The following NLRP3 variants were observed in gnomAD, a reference collection of about 807,000 sequenced individuals.
The protein encoded by NLRP3 is NLR family pyrin domain containing 3, also known as NACHT, LRR and PYD domains-containing protein 3.
In NLRP3, 48 loss-of-function variants were observed where a neutral mutation model predicts 91.3. That is an observed-to-expected ratio of 0.53 (90% CI 0.42 to 0.67). The LOEUF (loss-of-function observed/expected upper bound fraction) is 0.67, where lower values mean the gene tolerates loss of function less well. Among genes scored for constraint, NLRP3 ranks in the 30% least tolerant of loss-of-function variants. The pLI, the probability that NLRP3 is intolerant of heterozygous loss-of-function variation, is 0.00. For synonymous variants in NLRP3, 561 were observed against 507.9 expected, an observed-to-expected ratio of 1.10 and a Z score of -1.41; for missense variants, 982 against 1,276.9, an observed-to-expected ratio of 0.77 and a Z score of 3.52.
intron 4 of NLRP3, among the ~76,000 whole-genome samples, chr1:247,428,292 AG>A (rs113114775): frequency 0.011 from 1,719 of 152,268 alleles, 40 homozygotes; most frequent in African/African-American, 0.039. Flanking sequence ...TAGGGGGCTC[AG>A]CACCCATCTT....
chr1:247,417,939 C>A (rs1053743561), intron 1 of NLRP3, 114 bp from the exon 2 acceptor site: 16 of 152,344 alleles, frequency 1.1e-4, no homozygotes, highest in African/African-American at 3.1e-4. Context: ...CACCTCCTGG[C>A]CTTCTCCTTC....
chr1:247,425,581 A>G lies in NLRP3; in HGVS notation c.2132A>G (p.His711Arg). ...MVQCVLPSSS[H>R]AACSHGLVNS... ...CAGTGTGTCCTCCCAAGCTCCTCTC[A>G]TGCTGCCTGTTCTCATGGGTAAGGA... is the stretch of plus-strand genomic sequence containing the variant. Residue 711 changes from histidine (H) to arginine (R), a missense_variant, in exon 4 of 10, where the codon CAT becomes CGT. By Grantham distance (29) the His-to-Arg change is conservative (BLOSUM62 0). Around this residue, in one of 5 missense-constraint regions of NLRP3, gnomAD observed 373 missense variants for 431.5 expected, o/e 0.86. Transcript: ENST00000336119. This position sits in a 1 kb window ranked among gnomAD's most constrained non-coding sequence, Gnocchi z 4.1. 1.2e-6 allele frequency: 2 copies of G among 1,607,524 alleles called. No individual in the cohort carries two copies. The highest frequency in any genetic ancestry group is 1.7e-6 in the Non-Finnish European group (2 of 1,179,988).
At chr1:247,428,181 T>A (rs1488185838) in intron 4 of NLRP3, among the ~76,000 whole-genome samples, 5 of 149,356 alleles carry the variant, frequency 3.3e-5, no homozygotes, top group African/African-American at 1.3e-4. Context: ...TGCCTTACTC[T>A]GAGGACAGAC....
rs3806268 is a variant in NLRP3, at chr1:247,424,175, G to T, written c.726G>T (p.Ala242=). 33 of 1,613,796 alleles carry T rather than the reference G, an allele frequency of 2.0e-5. No homozygotes were observed. The African/African-American group carries it at 4.1e-4, about 20-fold the overall frequency. ...ILARKMMLDW[A]SGTLYQDRFD... is the part of the protein sequence containing the mutation. Reference sequence around the variant, plus strand: ...CCAGGAAGATGATGTTGGACTGGGCGTCGGGGACACTCTACCAAGACAGGT... The same window carrying T: ...CCAGGAAGATGATGTTGGACTGGGCTTCGGGGACACTCTACCAAGACAGGT... The change falls in exon 4 of 10, where the codon GCG becomes GCT. Residue 242 remains alanine (A), a synonymous_variant. Coordinates refer to ENST00000336119, the MANE Select transcript of NLRP3 (RefSeq NM_001243133.2). This position sits in a 1 kb window ranked among gnomAD's most constrained non-coding sequence, Gnocchi z 8.1.
intron 8 of NLRP3, among the ~76,000 whole-genome samples, chr1:247,444,344 T>G (rs1256324025): frequency 6.6e-6 from 1 of 152,198 alleles, no homozygotes; most frequent in African/African-American, 2.4e-5. Context: ...CCATCACAGT[T>G]TTCTGTACCA....
chr1:247,430,545 G>C (rs546840830), intron 5 of NLRP3, among the ~76,000 whole-genome samples: 3 of 152,088 alleles, frequency 2.0e-5, no homozygotes, highest in Non-Finnish European at 4.4e-5. Context: ...TAAATTTTTG[G>C]GGGGGCACAG....
At chr1:247,417,383 G>C (rs1662134287) in intron 1 of NLRP3, among the ~76,000 whole-genome samples, 1 of 152,198 alleles carries the variant, frequency 6.6e-6, no homozygotes, top group Non-Finnish European at 1.5e-5. Flanking sequence ...TGAGTGCCTA[G>C]CCTGTGGAAA....
chr1:247,439,969 C>T (rs1231848660), intron 7 of NLRP3, among the ~76,000 whole-genome samples: 8 of 152,210 alleles, frequency 5.3e-5, no homozygotes, highest in African/African-American at 1.4e-4. Context: ...TGGCATTAAT[C>T]AGTCGAGACT....
At chr1:247,419,382 C>T (rs202040124) in intron 2 of NLRP3, among the ~76,000 whole-genome samples, 6 of 151,968 alleles carry the variant, frequency 3.9e-5, no homozygotes, top group Non-Finnish European at 8.8e-5. Flanking sequence ...CTCAAACTCC[C>T]GACCTCAGGT....
chr1:247,443,521 C>T (rs115526037), intron 7 of NLRP3, among the ~76,000 whole-genome samples: 42 of 151,302 alleles, frequency 2.8e-4, no homozygotes, highest in African/African-American at 9.2e-4. Flanking sequence ...AAATCAGCAC[C>T]GACTTCCCAT....
intron 3 of NLRP3, 147 bp from the exon 4 acceptor site, chr1:247,423,700 G>T: frequency 1.3e-6 from 1 of 779,126 alleles, no homozygotes; most frequent in South Asian, 1.5e-5. Flanking sequence ...AGAGATTCTC[G>T]GCACCTTTCC....
chr1:247,421,296 T>G (rs12044934), intron 2 of NLRP3, among the ~76,000 whole-genome samples: 17,334 of 151,780 alleles, frequency 0.11, 1,175 homozygotes, highest in East Asian at 0.3. Context: ...GTAATGACAC[T>G]GGGGAAACAG....
intron 6 of NLRP3, among the ~76,000 whole-genome samples, chr1:247,434,706 G>GA (rs1178189816): frequency 2.6e-5 from 4 of 152,118 alleles, no homozygotes; most frequent in African/African-American, 7.2e-5. Context: ...TTGAAGGAGA[G>GA]AAAAAACCAC....
rs150766290 is a variant in NLRP3 at position 247,431,494 on chromosome 1, G to C, written c.2321+1739G>C. Among the ~76,000 whole-genome samples the C allele has an allele frequency of 2.9e-3, 448 of 152,216 alleles. 2 individuals carry two copies. The highest frequency in any genetic ancestry group is 0.01 in the African/African-American group (417 of 41,526). On this transcript the variant is annotated intron_variant, in intron 5 of 9. Transcript: ENST00000336119. The stretch of plus-strand genomic sequence containing the variant: ...TCCTCGTCCTCACCCCACCAGCCCA[G>C]GTCCAGCAACTGTCACCACTTGCCT...
At chr1:247,443,190 C>A (rs1164301707) in intron 7 of NLRP3, among the ~76,000 whole-genome samples, 1 of 152,206 alleles carries the variant, frequency 6.6e-6, no homozygotes, top group Admixed American at 6.5e-5. Context: ...CTGGACCTCC[C>A]AAAGTGCTGG....
intron 7 of NLRP3, among the ~76,000 whole-genome samples, chr1:247,442,965 T>C (rs1025507913): frequency 1.3e-5 from 2 of 152,158 alleles, no homozygotes; most frequent in African/African-American, 4.8e-5. Context: ...TCTCACTTTG[T>C]TGCCCAGGTT....
intron 5 of NLRP3, among the ~76,000 whole-genome samples, chr1:247,430,361 C>T (rs1048661556): frequency 6.6e-6 from 1 of 152,126 alleles, no homozygotes; most frequent in Non-Finnish European, 1.5e-5. Context: ...GCCATCTTGC[C>T]TTGGGGGGAA....
At position 247,424,963 on chromosome 1, in the gene NLRP3, T is replaced by C; in HGVS notation, c.1514T>C (p.Leu505Pro). The change falls in exon 4 of 10, where the codon CTG (leucine) becomes CCG (proline). Residue 505 changes from leucine (L) to proline (P), a missense_variant. Leu to Pro is a moderately conservative substitution (Grantham distance 98). Around this residue, in one of 5 missense-constraint regions of NLRP3, gnomAD observed 548 missense variants for 713.7 expected, o/e 0.77. Transcript: ENST00000336119. This position sits in a 1 kb window ranked among gnomAD's most constrained non-coding sequence, Gnocchi z 8.1. ...GTGTCTGCTTTCCTGAGGATGAACC[T>C]GTTCCAAAAGGAAGTGGACTGCGAG... ...ADVSAFLRMN[L>P]FQKEVDCEKF... is the part of the protein sequence containing the mutation. 1 of 1,614,172 alleles carries C rather than the reference T, an allele frequency of 6.2e-7. No individual in the cohort carries two copies. Among genetic ancestry groups the C allele is most frequent in the Non-Finnish European group, 8.5e-7 (1 of 1,180,028 alleles).
At chr1:247,420,516 C>A (rs759999256) in intron 2 of NLRP3, among the ~76,000 whole-genome samples, 5 of 151,858 alleles carry the variant, frequency 3.3e-5, no homozygotes, top group Non-Finnish European at 7.4e-5. Context: ...GAGTTCAACA[C>A]CAGCCTGGCC....
Sources: gnomAD v4.1 joint callset for allele counts (sites outside exome capture counted in the v4.1 genomes callset) on GRCh38, gnomAD v4.1.1 for gene constraint, gnomAD v4.1.1 regional missense constraint, Gnocchi (gnomAD v3.1) non-coding constraint, MANE v1.5 for transcripts, NCBI Gene and HGNC (gene_info 2026-07-23, HGNC 2026-07-21) for gene names.